RASSF3: variants seen among roughly 807,000 people sequenced by gnomAD.
RASSF3 encodes the protein Ras association domain family member 3.
Under a neutral mutation model 19.9 loss-of-function variants are expected in RASSF3, and 19 were observed. The ratio of observed to expected loss-of-function variants is 0.96; its 90% CI spans 0.67 to 1.40. The LOEUF (loss-of-function observed/expected upper bound fraction) is 1.40. RASSF3 is among the 40% of genes most tolerant of loss of function. RASSF3 has a pLI of 0.00. For synonymous variants in RASSF3, 110 were observed against 104.2 expected, an observed-to-expected ratio of 1.06 and a Z score of -0.34; for missense variants, 306 against 289.8, an observed-to-expected ratio of 1.06 and a Z score of -0.41.
chr12:64,619,097 AC>A (rs528941458), intron 1 of RASSF3, among the ~76,000 whole-genome samples: 1 of 152,244 alleles, frequency 6.6e-6, no homozygotes, highest in African/African-American at 2.4e-5. Context: ...TTTTTGTTGA[AC>A]AATGCTGTTT....
intron 1 of RASSF3, among the ~76,000 whole-genome samples, chr12:64,664,999 G>A (rs576981320): frequency 2.0e-5 from 3 of 152,230 alleles, no homozygotes; most frequent in Admixed American, 6.5e-5. Context: ...TAAATAATAG[G>A]TCTCTGTTGA....
At chr12:64,540,718 G>A (rs571193023) in intron 1 of RASSF3, among the ~76,000 whole-genome samples, 5 of 152,302 alleles carry the variant, frequency 3.3e-5, no homozygotes, top group Non-Finnish European at 7.3e-5. Context: ...ACTTTGGGAG[G>A]CCAAGTCAGG....
chr12:64,642,559 C>CAAAAAAAA (rs67771603), intron 1 of RASSF3, among the ~76,000 whole-genome samples: 6 of 44,020 alleles, frequency 1.4e-4, no homozygotes, highest in African/African-American at 3.2e-4. Flanking sequence ...GACTCCATCT[C>CAAAAAAAA]AAAAAAAAAA....
chr12:64,660,099 C>T (rs1276631250), intron 1 of RASSF3, among the ~76,000 whole-genome samples: 1 of 145,952 alleles, frequency 6.9e-6, no homozygotes, highest in Non-Finnish European at 1.6e-5. Flanking sequence ...CACATACACG[C>T]ACACATATGG....
chr12:64,528,805 TG>T (rs1868644167), upstream of RASSF3, among the ~76,000 whole-genome samples: 1 of 152,188 alleles, frequency 6.6e-6, no homozygotes, highest in African/African-American at 2.4e-5. Context: ...CCCCCGCAGC[TG>T]TGACTCGCAG....
intron 1 of RASSF3, among the ~76,000 whole-genome samples, chr12:64,653,852 C>T (rs981010642): frequency 9.2e-5 from 14 of 152,044 alleles, no homozygotes; most frequent in Non-Finnish European, 1.8e-4. Context: ...CAGCCCTTAA[C>T]GGTGTCTTTA....
chr12:64,694,200 A>G (rs890543909), intron 4 of RASSF3, among the ~76,000 whole-genome samples: 3 of 152,146 alleles, frequency 2.0e-5, no homozygotes, highest in Non-Finnish European at 4.4e-5. Flanking sequence ...CCAGATGAGC[A>G]TTTTACAAAG....
chr12:64,510,971 G>A (rs905347848), intron 1 of RASSF3, among the ~76,000 whole-genome samples: 6 of 152,194 alleles, frequency 3.9e-5, no homozygotes, highest in Admixed American at 1.3e-4. Context: ...TGAGAGCTGT[G>A]TGACTTTGAG....
chr12:64,536,553 T>G (rs1415828774), intron 1 of RASSF3, among the ~76,000 whole-genome samples: 3 of 152,148 alleles, frequency 2.0e-5, no homozygotes, highest in Admixed American at 2.0e-4. Context: ...AATAATAACA[T>G]AATAACTTTA....
intron 1 of RASSF3, among the ~76,000 whole-genome samples, chr12:64,518,044 T>A (rs1364123072): frequency 1.3e-5 from 2 of 152,170 alleles, no homozygotes; most frequent in African/African-American, 4.8e-5. Flanking sequence ...GTTATTTTTA[T>A]GACTATACTT....
intron 3 of RASSF3, 93 bp from the exon 4 acceptor site, chr12:64,691,377 G>T (rs563491462): frequency 6.1e-6 from 5 of 823,196 alleles, no homozygotes; most frequent in Non-Finnish European, 1.0e-5. Context: ...TAACTTGGAT[G>T]GTTACCTTGA....
intron 2 of RASSF3, among the ~76,000 whole-genome samples, chr12:64,579,651 A>G (rs1334065671): frequency 1.3e-5 from 2 of 151,902 alleles, no homozygotes; most frequent in East Asian, 2.0e-4. Flanking sequence ...GCGCCCGGCC[A>G]GCAATAGCCA....
chr12:64,622,454 T>C (rs1434861240), intron 1 of RASSF3: 3 of 528,844 alleles, frequency 5.7e-6, no homozygotes, highest in Non-Finnish European at 1.2e-5. Flanking sequence ...ATTTATACTG[T>C]TTACTTATAG....
chr12:64,589,501 C>T (rs1869878935), intron 2 of RASSF3, among the ~76,000 whole-genome samples: 1 of 152,278 alleles, frequency 6.6e-6, no homozygotes, highest in East Asian at 1.9e-4. Context: ...TTAAAGATGA[C>T]AGTCCACAAT....
chr12:64,614,849 T>C (rs1870497962), intron 1 of RASSF3, among the ~76,000 whole-genome samples: 1 of 151,584 alleles, frequency 6.6e-6, no homozygotes, highest in South Asian at 2.1e-4. Flanking sequence ...AGGCACCCGC[T>C]GCCAGGCCTG....
chr12:64,676,369 A>T (rs1268124117), intron 1 of RASSF3, among the ~76,000 whole-genome samples: 1 of 150,512 alleles, frequency 6.6e-6, no homozygotes, highest in Non-Finnish European at 1.5e-5. Context: ...GGGTTTCTCC[A>T]TGTTGGTCAG....
intron 2 of RASSF3, among the ~76,000 whole-genome samples, chr12:64,584,173 A>G (rs1408510343): frequency 2.0e-5 from 3 of 152,240 alleles, no homozygotes; most frequent in African/African-American, 7.2e-5. Flanking sequence ...AACAGAATTA[A>G]AAAGACCAGG....
chr12:64,679,372 T>C (rs1175470077), intron 1 of RASSF3, among the ~76,000 whole-genome samples: 1 of 152,274 alleles, frequency 6.6e-6, no homozygotes, highest in East Asian at 1.9e-4. Flanking sequence ...ACAGTCACTC[T>C]TAATTGCACT....
At chr12:64,622,015 GT>G (rs1260947869) in intron 1 of RASSF3, among the ~76,000 whole-genome samples, 1 of 152,098 alleles carries the variant, frequency 6.6e-6, no homozygotes, top group Non-Finnish European at 1.5e-5. Flanking sequence ...TTTAGGGCTT[GT>G]TTTCCAACCA....
Sources: gnomAD v4.1 joint callset for allele counts (sites outside exome capture counted in the v4.1 genomes callset) on GRCh38, gnomAD v4.1.1 for gene constraint, MANE v1.5 for transcripts, NCBI Gene and HGNC (gene_info 2026-07-23, HGNC 2026-07-21) for gene names.